SLC24A2: variants seen among roughly 807,000 people sequenced by gnomAD.
The protein encoded by SLC24A2 is sodium/potassium/calcium exchanger 2.
Under a neutral mutation model 62.0 loss-of-function variants are expected in SLC24A2, and 36 were observed. That is an observed-to-expected ratio of 0.58 (90% CI 0.44 to 0.77). The LOEUF (loss-of-function observed/expected upper bound fraction) is 0.77, where lower values mean the gene tolerates loss of function less well. Ranked by LOEUF, SLC24A2 falls within the 30% of genes least tolerant of loss-of-function variation. SLC24A2 has a pLI of 0.00. For synonymous variants in SLC24A2, 358 were observed against 294.0 expected, an observed-to-expected ratio of 1.22 and a Z score of -2.23; for missense variants, 846 against 817.9, an observed-to-expected ratio of 1.03 and a Z score of -0.42.
chr9:19,778,683 C>T (rs985416286), intron 2 of SLC24A2, among the ~76,000 whole-genome samples: 4 of 152,114 alleles, frequency 2.6e-5, no homozygotes, highest in Non-Finnish European at 4.4e-5. Flanking sequence ...GTAGTACTCC[C>T]GGACCTTTGA....
chr9:19,833,471 G>A, the SLC24A2 span, among the ~76,000 whole-genome samples: 19 of 152,282 alleles, frequency 1.2e-4, no homozygotes, highest in African/African-American at 2.6e-4. Context: ...ATGGAACCTC[G>A]CTCATTGCTA....
At chr9:19,651,858 C>T (rs1430788449) in intron 2 of SLC24A2, among the ~76,000 whole-genome samples, 2 of 152,174 alleles carry the variant, frequency 1.3e-5, no homozygotes, top group African/African-American at 2.4e-5. Flanking sequence ...TGACATGCGC[C>T]GCAGGCTTCA....
In SLC24A2 at chr9:19,515,200, G is replaced by A. The variant is rs1832877323; in HGVS notation, c.*953C>T. 6.6e-6 allele frequency: 1 copy of A among 151,994 alleles called. No homozygotes were observed. Among genetic ancestry groups the A allele is most frequent in the African/African-American group, 2.4e-5 (1 of 41,356 alleles). 9.4% of individuals were successfully genotyped at this position (151,994 alleles called of 1,614,324 possible). A position where few individuals can be genotyped will look rare whatever the true frequency, so the allele number is the denominator to read the frequency against. On this transcript the variant is annotated 3_prime_UTR_variant, in exon 11 of 11. Coordinates refer to ENST00000341998, the MANE Select transcript of SLC24A2 (RefSeq NM_020344.4). ...GCTGTCCTAGAAAAAGCACTAATTT[G>A]GTTTGTAGTCATATTTTCTACTTGC...
At chr9:19,543,572 G>A (rs1834391441) in intron 8 of SLC24A2, among the ~76,000 whole-genome samples, 1 of 152,066 alleles carries the variant, frequency 6.6e-6, no homozygotes. Flanking sequence ...GGCATTTAGT[G>A]CTATAAATTT....
At chr9:19,727,526 T>C (rs1427167620) in intron 2 of SLC24A2, among the ~76,000 whole-genome samples, 1 of 152,140 alleles carries the variant, frequency 6.6e-6, no homozygotes. Flanking sequence ...CAGGCAGGGA[T>C]TTTGGCCAGT....
chr9:20,229,851 T>C, the SLC24A2 span, among the ~76,000 whole-genome samples: 1 of 152,012 alleles, frequency 6.6e-6, no homozygotes, highest in Non-Finnish European at 1.5e-5. Flanking sequence ...TCATTTAGCA[T>C]TAGGTATATG....
At chr9:19,709,876 T>G (rs925915574) in intron 2 of SLC24A2, among the ~76,000 whole-genome samples, 6 of 151,898 alleles carry the variant, frequency 4.0e-5, no homozygotes, top group Non-Finnish European at 8.8e-5. Flanking sequence ...ATTGTGCACA[T>G]GTACCCTAAA....
intron 2 of SLC24A2, among the ~76,000 whole-genome samples, chr9:19,760,741 C>T (rs891318687): frequency 6.6e-6 from 1 of 151,882 alleles, no homozygotes; most frequent in Admixed American, 6.6e-5. Flanking sequence ...GTATATGTGC[C>T]ACCTTTTTTT....
At chr9:20,266,297 C>G in the SLC24A2 span, among the ~76,000 whole-genome samples, 2 of 152,126 alleles carry the variant, frequency 1.3e-5, no homozygotes, top group African/African-American at 4.8e-5. Flanking sequence ...GGACACCCAG[C>G]TTTAAAATTT....
the SLC24A2 span, among the ~76,000 whole-genome samples, chr9:20,167,146 C>A: frequency 3.9e-5 from 6 of 152,100 alleles, no homozygotes; most frequent in African/African-American, 1.4e-4. Flanking sequence ...ATGTTGTAAA[C>A]ACACTGAATG....
At chr9:20,214,888 A>G in the SLC24A2 span, among the ~76,000 whole-genome samples, 3 of 152,206 alleles carry the variant, frequency 2.0e-5, no homozygotes, top group East Asian at 1.9e-4. Flanking sequence ...ATAGTATAAT[A>G]TAACATAGAA....
At chr9:19,598,322 G>C (rs933273302) in intron 4 of SLC24A2, among the ~76,000 whole-genome samples, 1 of 152,152 alleles carries the variant, frequency 6.6e-6, no homozygotes, top group Admixed American at 6.5e-5. Context: ...GCCAGCTGCT[G>C]GGAATCCTCA....
At chr9:19,567,508 T>C (rs1312935092) in intron 7 of SLC24A2, among the ~76,000 whole-genome samples, 1 of 137,486 alleles carries the variant, frequency 7.3e-6, no homozygotes, top group African/African-American at 2.9e-5. Flanking sequence ...ATAGTGCCAC[T>C]GCACTCCAGC....
At chr9:20,249,502 C>G in the SLC24A2 span, among the ~76,000 whole-genome samples, 2 of 151,984 alleles carry the variant, frequency 1.3e-5, no homozygotes, top group African/African-American at 2.4e-5. Flanking sequence ...GCCAGGAGTT[C>G]AAGACCAGCC....
intron 2 of SLC24A2, among the ~76,000 whole-genome samples, chr9:19,761,609 T>A (rs1822332958): frequency 6.6e-6 from 1 of 152,076 alleles, no homozygotes. Flanking sequence ...ATTAGGTATA[T>A]CTCCTAATGC....
At chr9:19,973,116 T>C in the SLC24A2 span, among the ~76,000 whole-genome samples, 6 of 152,126 alleles carry the variant, frequency 3.9e-5, no homozygotes, top group African/African-American at 1.4e-4. Context: ...GGTGGGAGGA[T>C]TGCCTGAACC....
chr9:19,590,161 G>A (rs907810264), intron 5 of SLC24A2, among the ~76,000 whole-genome samples: 3 of 6,826 alleles, frequency 4.4e-4, no homozygotes, highest in African/African-American at 1.8e-3. Flanking sequence ...AAGAGGCTGT[G>A]GTAACAACTA....
At chr9:19,764,133 G>C (rs1001823239) in intron 2 of SLC24A2, among the ~76,000 whole-genome samples, 1 of 152,138 alleles carries the variant, frequency 6.6e-6, no homozygotes, top group Non-Finnish European at 1.5e-5. Flanking sequence ...ATGGTAGTTT[G>C]TATTTCTGTG....
intron 2 of SLC24A2, among the ~76,000 whole-genome samples, chr9:19,752,105 C>T (rs569704332): frequency 3.9e-5 from 6 of 152,070 alleles, no homozygotes; most frequent in Non-Finnish European, 5.9e-5. Context: ...TGAGTGCTTG[C>T]GACACGTTTG....
Sources: gnomAD v4.1 joint callset for allele counts (sites outside exome capture counted in the v4.1 genomes callset) on GRCh38, gnomAD v4.1.1 for gene constraint, MANE v1.5 for transcripts, NCBI Gene and HGNC (gene_info 2026-07-23, HGNC 2026-07-21) for gene names.